The following WWOX variants were observed in gnomAD, a reference collection of about 807,000 sequenced individuals.
WWOX encodes WW domain-containing oxidoreductase.
A neutral mutation model predicts 46.2 loss-of-function variants in WWOX; 69 were observed. The observed-to-expected ratio is 1.49, with a 90% CI of 1.23 to 1.82. WWOX has a LOEUF of 1.82. Among genes scored for constraint, WWOX ranks in the 40% most tolerant of loss-of-function variants. WWOX has a pLI of 0.00. For synonymous variants in WWOX, 359 were observed against 202.6 expected, an observed-to-expected ratio of 1.77 and a Z score of -6.56; for missense variants, 919 against 542.6, an observed-to-expected ratio of 1.69 and a Z score of -6.89.
chr16:78,373,549 T>C (rs914827597), intron 5 of WWOX, among the ~76,000 whole-genome samples: 2 of 152,186 alleles, frequency 1.3e-5, no homozygotes, highest in African/African-American at 4.8e-5. Flanking sequence ...TCAACCTCTT[T>C]TTCCTATGCT....
chr16:78,570,582 G>T (rs2044691165), intron 8 of WWOX, among the ~76,000 whole-genome samples: 1 of 152,118 alleles, frequency 6.6e-6, no homozygotes, highest in African/African-American at 2.4e-5. Flanking sequence ...TCAAAGTACA[G>T]GGATTATAGG....
At chr16:78,816,092 C>G (rs1470893917) in intron 8 of WWOX, among the ~76,000 whole-genome samples, 1 of 152,202 alleles carries the variant, frequency 6.6e-6, no homozygotes, top group African/African-American at 2.4e-5. Flanking sequence ...GGAATCCCCT[C>G]TGCCTTAATG....
intron 6 of WWOX, among the ~76,000 whole-genome samples, chr16:78,419,449 T>C (rs1407886139): frequency 6.6e-6 from 1 of 151,882 alleles, no homozygotes; most frequent in Admixed American, 6.6e-5. Context: ...CTATAGATAA[T>C]AAAATAGACT....
intron 8 of WWOX, among the ~76,000 whole-genome samples, chr16:78,798,593 T>G (rs1477872766): frequency 5.3e-5 from 7 of 132,032 alleles, no homozygotes; most frequent in South Asian, 2.3e-4. Flanking sequence ...GTTGTTGGGT[T>G]TTTTTTTTTT....
At chr16:78,549,658 A>G (rs1301538848) in intron 8 of WWOX, among the ~76,000 whole-genome samples, 1 of 152,208 alleles carries the variant, frequency 6.6e-6, no homozygotes, top group African/African-American at 2.4e-5. Context: ...AATGGAAATC[A>G]TTCTGGGCAA....
At chr16:78,909,629 T>A (rs1021530652) in intron 8 of WWOX, among the ~76,000 whole-genome samples, 1 of 152,182 alleles carries the variant, frequency 6.6e-6, no homozygotes, top group Non-Finnish European at 1.5e-5. Context: ...AGATGAAAGT[T>A]CCCTTTCAGA....
At chr16:78,387,164 C>T (rs911756816) in intron 6 of WWOX, among the ~76,000 whole-genome samples, 2 of 152,162 alleles carry the variant, frequency 1.3e-5, no homozygotes, top group Non-Finnish European at 2.9e-5. Flanking sequence ...CAGCTTCCCA[C>T]ATACCAAAAG....
chr16:78,647,879 C>G (rs972413897), intron 8 of WWOX, among the ~76,000 whole-genome samples: 8 of 152,304 alleles, frequency 5.3e-5, no homozygotes, highest in Non-Finnish European at 8.8e-5. Context: ...CTCTCTCACT[C>G]TGAGTATTTA....
chr16:79,155,477 A>G (rs1241708186), intron 8 of WWOX, among the ~76,000 whole-genome samples: 1 of 152,230 alleles, frequency 6.6e-6, no homozygotes. Context: ...GTATTCATAT[A>G]GCATTTAAAA....
chr16:78,903,274 G>A (rs1487586020), intron 8 of WWOX, among the ~76,000 whole-genome samples: 3 of 152,232 alleles, frequency 2.0e-5, no homozygotes, highest in African/African-American at 4.8e-5. Context: ...AGAGGCTGAA[G>A]TGAAGTTACA....
intron 8 of WWOX, among the ~76,000 whole-genome samples, chr16:79,018,920 G>A (rs901474394): frequency 1.3e-5 from 2 of 152,006 alleles, no homozygotes; most frequent in Non-Finnish European, 2.9e-5. Flanking sequence ...GGAGGATAAG[G>A]TGGGCGGATC....
chr16:78,999,792 A>T (rs1013609144), intron 8 of WWOX, among the ~76,000 whole-genome samples: 8 of 152,186 alleles, frequency 5.3e-5, no homozygotes, highest in African/African-American at 1.9e-4. Context: ...GATACACTAA[A>T]AGTGCAGACT....
intron 8 of WWOX, among the ~76,000 whole-genome samples, chr16:78,622,294 G>A (rs1452873885): frequency 6.6e-6 from 1 of 152,040 alleles, no homozygotes; most frequent in African/African-American, 2.4e-5. Flanking sequence ...TGTAATCCCA[G>A]CACTTTGGGA....
At chr16:78,163,333 A>T (rs1228446426) in intron 4 of WWOX, among the ~76,000 whole-genome samples, 1 of 152,194 alleles carries the variant, frequency 6.6e-6, no homozygotes, top group Non-Finnish European at 1.5e-5. Context: ...CACTCTTGTG[A>T]AGGCTGGACT....
intron 1 of WWOX, among the ~76,000 whole-genome samples, chr16:78,105,921 C>T (rs1219784237): frequency 6.6e-6 from 1 of 152,200 alleles, no homozygotes; most frequent in Non-Finnish European, 1.5e-5. Flanking sequence ...CATGCCTCAG[C>T]CACTCAAGTA....
intron 8 of WWOX, among the ~76,000 whole-genome samples, chr16:78,515,595 C>A (rs904872620): frequency 7.2e-5 from 11 of 152,222 alleles, no homozygotes; most frequent in African/African-American, 2.7e-4. Context: ...ACATAGCTAT[C>A]TCTGTGCAGA....
At chr16:78,165,030 C>G (rs1202765485) in intron 5 of WWOX, among the ~76,000 whole-genome samples, 1 of 152,142 alleles carries the variant, frequency 6.6e-6, no homozygotes, top group African/African-American at 2.4e-5. Flanking sequence ...TGCTAAGGCT[C>G]AGAGGTAGGC....
intron 8 of WWOX, among the ~76,000 whole-genome samples, chr16:78,955,208 C>T (rs1311239361): frequency 6.6e-6 from 1 of 152,184 alleles, no homozygotes; most frequent in African/African-American, 2.4e-5. Context: ...GGGCCATATG[C>T]TAGAGCTGCA....
At position 78,144,429 on chromosome 16, in the gene WWOX, C is replaced by CTATATATATATATATACGTATA. The variant is rs1300458731; in HGVS notation, c.410-19738_410-19737insCGTATATATATATATATATATA. Among the ~76,000 whole-genome samples the CTATATATATATATATACGTATA allele has an allele frequency of 4.1e-3, 63 of 15,386 alleles. 3 individuals carry two copies. The highest frequency in any genetic ancestry group is 5.1e-3 in the Non-Finnish European group (45 of 8,852). 10.1% of individuals were successfully genotyped at this position (15,386 alleles called of 152,430 possible). ...GGTGCAAACGTGGTTTTTGCCATTA[C>CTATATATATATATATACGTATA]TATATATATATATATATACACATAT... On this transcript the variant is annotated intron_variant, in intron 4 of 8. Transcript: ENST00000566780.
Sources: allele counts gnomAD v4.1 joint callset (sites outside exome capture counted in the v4.1 genomes callset), GRCh38; gene constraint gnomAD v4.1.1; transcripts MANE v1.5; gene names NCBI Gene and HGNC (gene_info 2026-07-23, HGNC 2026-07-21).